ATP8B4: variants seen among roughly 807,000 people sequenced by gnomAD.
ATP8B4 encodes the protein probable phospholipid-transporting ATPase IM.
Under a neutral mutation model 145.6 loss-of-function variants are expected in ATP8B4, and 133 were observed. The ratio of observed to expected loss-of-function variants is 0.91; its 90% CI spans 0.79 to 1.05. The LOEUF is 1.05. ATP8B4 is among the 50% of genes least tolerant of loss of function. The pLI, the probability that ATP8B4 is intolerant of heterozygous loss-of-function variation, is 0.00. For missense variants in ATP8B4, 1,458 were observed against 1,425.2 expected, an observed-to-expected ratio of 1.02 and a Z score of -0.37; for synonymous variants, 507 against 492.9, an observed-to-expected ratio of 1.03 and a Z score of -0.38.
intron 14 of ATP8B4, among the ~76,000 whole-genome samples, chr15:49,943,200 A>C (rs962042917): frequency 2.6e-5 from 4 of 152,160 alleles, no homozygotes; most frequent in South Asian, 2.1e-4. Context: ...AGAATGAAAA[A>C]GGTGAAAAAA....
intron 2 of ATP8B4, among the ~76,000 whole-genome samples, chr15:50,093,981 T>C (rs1024046362): frequency 1.3e-5 from 2 of 152,124 alleles, no homozygotes; most frequent in Admixed American, 6.6e-5. Context: ...CCTCAAAATA[T>C]GTAAAGAAAA....
chr15:49,918,736 T>A (rs12441816), intron 19 of ATP8B4, 103 bp downstream of exon 19: 51,683 of 783,194 alleles, frequency 0.066, 3,579 homozygotes, highest in East Asian at 0.33. Flanking sequence ...TGTGGAAGAT[T>A]GGGTGAATAT....
At chr15:49,933,980 A>G in intron 15 of ATP8B4, 37 bp downstream of exon 15, 1 of 1,455,780 alleles carries the variant, frequency 6.9e-7, no homozygotes. Flanking sequence ...AAAAAACAAA[A>G]ACAAGGTTCA....
Position 49,905,951 on chromosome 15 carries a change from C to CAT in ATP8B4, c.2142-4714_2142-4713dup, listed in dbSNP as rs202139678. 5.4e-5 allele frequency among the ~76,000 whole-genome samples: 8 copies of CAT among 148,946 alleles called. No homozygotes were observed. In the South Asian group the frequency reaches 1.5e-3, roughly 27 times the overall value. ...AGTGTTTTATACATATATGTACCTA[C>CAT]ATATATATACACACACACACACACA... is the stretch of plus-strand genomic sequence containing the variant. On this transcript the variant is annotated intron_variant, in intron 20 of 27. Transcript: ENST00000284509.
chr15:49,905,895 G>A (rs989076176), intron 20 of ATP8B4, among the ~76,000 whole-genome samples: 34 of 152,146 alleles, frequency 2.2e-4, no homozygotes, highest in African/African-American at 8.2e-4. Context: ...GATCTTGATA[G>A]GCAAGGAGGT....
intron 2 of ATP8B4, among the ~76,000 whole-genome samples, chr15:50,094,941 G>T (rs1158182456): frequency 6.6e-6 from 1 of 151,904 alleles, no homozygotes; most frequent in Non-Finnish European, 1.5e-5. Flanking sequence ...GCAGAATCTG[G>T]TACCACTCCA....
chr15:50,159,129 T>A (rs1283668417), intron 1 of ATP8B4, among the ~76,000 whole-genome samples: 1 of 152,212 alleles, frequency 6.6e-6, no homozygotes, highest in Non-Finnish European at 1.5e-5. Context: ...ATTCTTCCAA[T>A]CCATGAACAT....
intron 27 of ATP8B4, 60 bp from the exon 28 acceptor site, chr15:49,860,535 GCC>G: frequency 3.4e-6 from 5 of 1,483,972 alleles, no homozygotes; most frequent in Non-Finnish European, 4.5e-6. Flanking sequence ...CCAGGCAGTG[GCC>G]CACTTTGTAA....
At chr15:50,002,076 G>A in intron 8 of ATP8B4, 77 bp downstream of exon 8, 1 of 1,232,752 alleles carries the variant, frequency 8.1e-7, no homozygotes, top group Non-Finnish European at 1.2e-6. Flanking sequence ...ACTGAACAAG[G>A]TTAAGTCTTA....
intron 20 of ATP8B4, among the ~76,000 whole-genome samples, chr15:49,905,379 T>C (rs776446004): frequency 5.9e-5 from 9 of 152,206 alleles, no homozygotes; most frequent in Non-Finnish European, 7.3e-5. Flanking sequence ...GAAAAAGAGA[T>C]GGTGCAAATT....
intron 7 of ATP8B4, among the ~76,000 whole-genome samples, chr15:50,005,289 A>C (rs1323232171): frequency 6.6e-6 from 1 of 152,164 alleles, no homozygotes; most frequent in African/African-American, 2.4e-5. Context: ...CACTGAACAT[A>C]TTTGGGTCCT....
At chr15:50,020,274 T>G (rs1318610066) in intron 6 of ATP8B4, among the ~76,000 whole-genome samples, 4 of 151,040 alleles carry the variant, frequency 2.6e-5, no homozygotes, top group African/African-American at 4.9e-5. Context: ...TTTTTTGTTT[T>G]TTTTTTTTTT....
At chr15:50,032,442 C>T (rs566428348) in intron 6 of ATP8B4, among the ~76,000 whole-genome samples, 1 of 152,196 alleles carries the variant, frequency 6.6e-6, no homozygotes, top group South Asian at 2.1e-4. Context: ...CATTGATGGG[C>T]ATTTGGGTTG....
At chr15:49,888,360 C>T (rs2036440114) in intron 23 of ATP8B4, among the ~76,000 whole-genome samples, 1 of 152,124 alleles carries the variant, frequency 6.6e-6, no homozygotes, top group Non-Finnish European at 1.5e-5. Context: ...CTTTATTATA[C>T]TGTTTGACAG....
intron 26 of ATP8B4, among the ~76,000 whole-genome samples, chr15:49,864,542 C>T (rs910478106): frequency 1.3e-5 from 2 of 152,064 alleles, no homozygotes; most frequent in Middle Eastern, 3.2e-3. Flanking sequence ...TATTAATATC[C>T]CTCTTTTATA....
At chr15:50,041,622 A>G (rs1466617411) in intron 5 of ATP8B4, among the ~76,000 whole-genome samples, 1 of 152,172 alleles carries the variant, frequency 6.6e-6, no homozygotes, top group African/African-American at 2.4e-5. Context: ...GATATTACTC[A>G]TCAGTGTGGA....
intron 15 of ATP8B4, among the ~76,000 whole-genome samples, chr15:49,932,683 GT>G (rs1567021518): frequency 6.6e-6 from 1 of 152,086 alleles, no homozygotes; most frequent in Non-Finnish European, 1.5e-5. Context: ...CCTTGAGGGT[GT>G]TTTCTGAACC....
At chr15:50,123,834 T>A (rs1362999755), upstream of ATP8B4, among the ~76,000 whole-genome samples, 1 of 152,130 alleles carries the variant, frequency 6.6e-6, no homozygotes, top group Non-Finnish European at 1.5e-5. Context: ...GATCCAACCA[T>A]CTGTCTTCTC....
Position 49,858,241 on chromosome 15 carries a change from C to A in ATP8B4, c.*1953G>T, listed in dbSNP as rs1238199274. 1 of 152,044 alleles carries A rather than the reference C, an allele frequency of 6.6e-6. No homozygotes were observed. Among genetic ancestry groups the A allele is most frequent in the Non-Finnish European group, 1.5e-5 (1 of 68,018 alleles). 9.4% of individuals were successfully genotyped at this position (152,044 alleles called of 1,614,324 possible). Reference sequence around the variant, plus strand: ...AAAGAAGAGATAAAACATCAAGTACCAATAGTGCCAAAACATTTACTGAAA... The same window carrying A: ...AAAGAAGAGATAAAACATCAAGTACAAATAGTGCCAAAACATTTACTGAAA... On this transcript the variant is annotated 3_prime_UTR_variant, in exon 28 of 28. Coordinates refer to ENST00000284509, the MANE Select transcript of ATP8B4 (RefSeq NM_024837.4).
Sources: allele counts gnomAD v4.1 joint callset (sites outside exome capture counted in the v4.1 genomes callset), GRCh38; gene constraint gnomAD v4.1.1; transcripts MANE v1.5; gene names NCBI Gene and HGNC (gene_info 2026-07-23, HGNC 2026-07-21).